Variants in WASHC2A observed in about 807,000 individuals in gnomAD.
WASHC2A encodes WASH complex subunit 2A.
A neutral mutation model predicts 140.3 loss-of-function variants in WASHC2A; 82 were observed. The observed-to-expected ratio is 0.58, with a 90% confidence interval of 0.49 to 0.70. The LOEUF (loss-of-function observed/expected upper bound fraction) is 0.70. WASHC2A is among the 30% of genes least tolerant of loss of function. The pLI is 0.00. For synonymous variants in WASHC2A, 340 were observed against 560.8 expected, an observed-to-expected ratio of 0.61 and a Z score of 5.56; for missense variants, 985 against 1,521.8, an observed-to-expected ratio of 0.65 and a Z score of 5.87.
Position 50,095,590 on chromosome 10 carries a change from C to T in WASHC2A, c.1241-9C>T, listed in dbSNP as rs1439583368. Reference sequence around the variant, plus strand: ...CACAGCTGTGGCTGTCTTGTCTTTCCACCCACAGGAGACACGGATGTGTTT... The same window carrying T: ...CACAGCTGTGGCTGTCTTGTCTTTCTACCCACAGGAGACACGGATGTGTTT... On this transcript the variant is annotated splice_polypyrimidine_tract_variant and intron_variant, in intron 14 of 30. Transcript: ENST00000282633. The T allele has an allele frequency of 4.7e-4, 758 of 1,611,938 alleles. No individual in the cohort carries two copies. In the African/African-American group the frequency reaches 9.0e-3, roughly 19 times the overall value.
At chr10:50,080,295 T>A (rs1838780468) in intron 4 of WASHC2A, among the ~76,000 whole-genome samples, 3 of 152,242 alleles carry the variant, frequency 2.0e-5, no homozygotes, top group Admixed American at 2.0e-4. Flanking sequence ...AATTGTCCAG[T>A]ATTTTTTTTT....
intron 29 of WASHC2A, among the ~76,000 whole-genome samples, chr10:50,130,479 G>A (rs1843854584): frequency 6.6e-6 from 1 of 151,908 alleles, no homozygotes; most frequent in South Asian, 2.1e-4. Flanking sequence ...CTCAGCAGAT[G>A]TTTATTGAGC....
intron 6 of WASHC2A, among the ~76,000 whole-genome samples, chr10:50,084,870 G>A (rs1224025938): frequency 1.0e-4 from 15 of 146,266 alleles, no homozygotes; most frequent in African/African-American, 3.6e-4. Flanking sequence ...TGAGTAGCTG[G>A]GATTACAGGT....
At chr10:50,130,576 C>T in intron 29 of WASHC2A, among the ~76,000 whole-genome samples, 1 of 152,054 alleles carries the variant, frequency 6.6e-6, no homozygotes, top group South Asian at 2.1e-4. Context: ...ACAAACAGGG[C>T]AATGGATAAT....
chr10:50,113,565 A>C (rs1381964380), intron 20 of WASHC2A, among the ~76,000 whole-genome samples: 4 of 151,608 alleles, frequency 2.6e-5, no homozygotes, highest in Non-Finnish European at 4.4e-5. Context: ...TTTTTGTGCT[A>C]TAGGAAGTGG....
intron 17 of WASHC2A, 102 bp downstream of exon 17, chr10:50,100,166 T>C (rs2132688151): frequency 6.9e-7 from 1 of 1,445,854 alleles, no homozygotes; most frequent in East Asian, 2.5e-5. Context: ...AGACTTTTTG[T>C]TAAGTACTCC....
At chr10:50,100,477 A>G (rs1436085676) in intron 17 of WASHC2A, among the ~76,000 whole-genome samples, 28 of 152,214 alleles carry the variant, frequency 1.8e-4, no homozygotes, top group Non-Finnish European at 2.2e-4. Flanking sequence ...GCGAGACTTC[A>G]TCTCAAAATA....
At chr10:50,072,543 G>A (rs1837949209) in intron 3 of WASHC2A, among the ~76,000 whole-genome samples, 2 of 128,124 alleles carry the variant, frequency 1.6e-5, no homozygotes, top group East Asian at 2.7e-4. Context: ...CTGGAGTGCA[G>A]TGGTGCAATC....
At chr10:50,104,908 AT>A (rs1476459174) in intron 18 of WASHC2A, among the ~76,000 whole-genome samples, 1 of 149,976 alleles carries the variant, frequency 6.7e-6, no homozygotes, top group Admixed American at 6.7e-5. Flanking sequence ...ATATTTTTGT[AT>A]TCCTGACATA....
chr10:50,068,096 T>C lies in WASHC2A; in HGVS notation c.4-9T>C. The C allele has an allele frequency of 6.2e-7, 1 of 1,608,582 alleles. No homozygotes were observed. The highest frequency in any genetic ancestry group is 8.5e-7 in the Non-Finnish European group (1 of 1,178,198). On this transcript the variant is annotated splice_polypyrimidine_tract_variant and intron_variant, in intron 1 of 30. Transcript: ENST00000282633. ...GGCTCAGCTTCTCTTCTCGTTTTTT[T>C]CGCTGCAGATGAACCGGACGACCCC...
chr10:50,102,186 T>C (rs1841266414), intron 17 of WASHC2A, among the ~76,000 whole-genome samples: 1 of 152,128 alleles, frequency 6.6e-6, no homozygotes, highest in Admixed American at 6.5e-5. Context: ...AGCGAATGTT[T>C]TTATTGGATA....
intron 18 of WASHC2A, among the ~76,000 whole-genome samples, chr10:50,104,430 G>A (rs1437634281): frequency 2.7e-5 from 4 of 149,364 alleles, no homozygotes; most frequent in African/African-American, 4.9e-5. Context: ...GCAGTGATGC[G>A]ATCTTGGCTC....
chr10:50,109,961 G>A (rs1554889763), intron 19 of WASHC2A, 140 bp from the exon 20 acceptor site: 19 of 1,121,170 alleles, frequency 1.7e-5, no homozygotes, highest in East Asian at 5.1e-5. Flanking sequence ...TAGTAGAGAC[G>A]GGGTTTCACC....
chr10:50,117,592 G>A (rs1168515938), intron 21 of WASHC2A, among the ~76,000 whole-genome samples: 9 of 149,000 alleles, frequency 6.0e-5, no homozygotes, highest in Non-Finnish European at 7.4e-5. Context: ...TATAAGAGGA[G>A]TGAGGCAGAG....
intron 5 of WASHC2A, among the ~76,000 whole-genome samples, chr10:50,081,977 A>G (rs1266577228): frequency 1.3e-5 from 2 of 151,980 alleles, no homozygotes; most frequent in Non-Finnish European, 2.9e-5. Flanking sequence ...TTTCTCTTCC[A>G]GTTTGAGCTT....
chr10:50,126,700 C>G (rs1297370951), intron 26 of WASHC2A, among the ~76,000 whole-genome samples: 16 of 151,866 alleles, frequency 1.1e-4, no homozygotes, highest in African/African-American at 3.9e-4. Context: ...CTCACTGAAG[C>G]CTTAGTGTCC....
intron 29 of WASHC2A, among the ~76,000 whole-genome samples, chr10:50,130,624 A>G (rs1285187346): frequency 2.0e-5 from 3 of 152,188 alleles, no homozygotes; most frequent in Non-Finnish European, 4.4e-5. Flanking sequence ...TCATGAAGAA[A>G]ATAACCTGGG....
intron 17 of WASHC2A, among the ~76,000 whole-genome samples, chr10:50,102,323 C>G (rs2132726988): frequency 6.6e-6 from 1 of 152,286 alleles, no homozygotes; most frequent in African/African-American, 2.4e-5. Flanking sequence ...GAAGCTTGCC[C>G]TGTGGTCATT....
In WASHC2A at chr10:50,125,995, T is replaced by C. The variant is rs1843393553; in HGVS notation, c.2689-62T>C. On this transcript the variant is annotated intron_variant, in intron 25 of 30. Coordinates refer to ENST00000282633, the MANE Select transcript of WASHC2A (RefSeq NM_001005751.3). ...GAAGCCAGGATTGTTTTTTGCATTA[T>C]GATTTTTCCTTAAAATTTCTAAGAT... 49 of 1,603,046 alleles carry C rather than the reference T, an allele frequency of 3.1e-5. No homozygotes were observed. The South Asian group carries it at 5.3e-4, about 17-fold the overall frequency.
Sources: gnomAD v4.1 joint callset for allele counts (sites outside exome capture counted in the v4.1 genomes callset) on GRCh38, gnomAD v4.1.1 for gene constraint, MANE v1.5 for transcripts, NCBI Gene and HGNC (gene_info 2026-07-23, HGNC 2026-07-21) for gene names.